The following CAPZA1 variants were observed in gnomAD, a reference collection of about 807,000 sequenced individuals.
CAPZA1 encodes F-actin-capping protein subunit alpha-1.
CAPZA1 carries 10 observed loss-of-function variants against 40.8 expected under a neutral mutation model. The ratio of observed to expected loss-of-function variants is 0.25; its 90% confidence interval spans 0.15 to 0.42. The LOEUF (loss-of-function observed/expected upper bound fraction) is 0.42, where lower values mean the gene tolerates loss of function less well. Among genes scored for constraint, CAPZA1 ranks in the 10% least tolerant of loss-of-function variants. The pLI is 1.00. For missense variants in CAPZA1, 277 were observed against 353.8 expected (o/e 0.78, Z 1.74); for synonymous variants, 98 against 115.0 (o/e 0.85, Z 0.95).
intron 4 of CAPZA1, 107 bp from the exon 5 acceptor site, chr1:112,654,358 C>A: frequency 3.0e-6 from 2 of 664,342 alleles, no homozygotes; most frequent in Non-Finnish European, 5.2e-6. Context: ...AGAAATCTGA[C>A]TAAATGAAAA....
intron 1 of CAPZA1, among the ~76,000 whole-genome samples, chr1:112,645,829 A>G (rs1358548866): frequency 1.3e-5 from 2 of 151,524 alleles, no homozygotes; most frequent in African/African-American, 2.4e-5. Flanking sequence ...GGGCCTGTTG[A>G]TGAGTGCCTG....
intron 1 of CAPZA1, among the ~76,000 whole-genome samples, chr1:112,631,811 G>GT (rs1670922577): frequency 6.6e-6 from 1 of 151,942 alleles, no homozygotes; most frequent in Admixed American, 6.6e-5. Context: ...AACCTTGTGG[G>GT]TATTTTTTTA....
At chr1:112,659,584 C>CTT (rs201026165) in intron 6 of CAPZA1, 117 bp from the exon 7 acceptor site, 226 of 372,404 alleles carry the variant, frequency 6.1e-4, no homozygotes, top group South Asian at 1.6e-3. Context: ...TTCTCTCTCT[C>CTT]TCTTTTTTTT....
intron 7 of CAPZA1, among the ~76,000 whole-genome samples, chr1:112,665,854 A>G (rs1173589782): frequency 6.6e-6 from 1 of 152,236 alleles, no homozygotes; most frequent in African/African-American, 2.4e-5. Flanking sequence ...CATTAAAATC[A>G]TAGCACTAGA....
At position 112,670,032 on chromosome 1, in the gene CAPZA1, C is replaced by T; in HGVS notation, c.761C>T (p.Thr254Ile). 1 of 1,613,910 alleles carries T rather than the reference C, an allele frequency of 6.2e-7. No individual in the cohort carries two copies. The highest frequency in any genetic ancestry group is 8.5e-7 in the Non-Finnish European group (1 of 1,179,792). ...SENYQTMSDT[T>I]FKALRRQLPV... is the part of the protein sequence containing the mutation. ...AACTATCAAACAATGTCAGATACCACATTCAAGGCCTTGCGCCGGCAGCTT... is the reference window on the plus strand; with the variant it reads ...AACTATCAAACAATGTCAGATACCATATTCAAGGCCTTGCGCCGGCAGCTT... Residue 254 changes from threonine to isoleucine, a missense_variant, in exon 10 of 10, where the codon ACA becomes ATA. Physicochemically the swap from Thr to Ile is moderately conservative, Grantham distance 89. Coordinates refer to ENST00000263168, the MANE Select transcript of CAPZA1 (RefSeq NM_006135.3).
At chr1:112,648,153 T>G (rs993081770) in intron 2 of CAPZA1, among the ~76,000 whole-genome samples, 6 of 152,062 alleles carry the variant, frequency 3.9e-5, no homozygotes, top group African/African-American at 1.4e-4. Context: ...AAAAAGTAAC[T>G]AGGAGAAACA....
At chr1:112,654,320 C>T (rs557034520) in intron 4 of CAPZA1, 145 bp from the exon 5 acceptor site, 10 of 584,410 alleles carry the variant, frequency 1.7e-5, no homozygotes, top group East Asian at 5.6e-5. Context: ...CTTAATAATA[C>T]GGGACTTGGT....
intron 1 of CAPZA1, among the ~76,000 whole-genome samples, chr1:112,624,115 T>A (rs895817623): frequency 3.9e-5 from 6 of 152,136 alleles, no homozygotes; most frequent in Admixed American, 2.6e-4. Flanking sequence ...TAGTACTGAT[T>A]TATCATAATT....
chr1:112,637,077 C>T (rs1445914748), intron 1 of CAPZA1, among the ~76,000 whole-genome samples: 1 of 152,178 alleles, frequency 6.6e-6, no homozygotes, highest in African/African-American at 2.4e-5. Context: ...CTTATACTTC[C>T]TTTTAATACT....
chr1:112,631,054 A>T (rs1487665136), intron 1 of CAPZA1, among the ~76,000 whole-genome samples: 1 of 152,214 alleles, frequency 6.6e-6, no homozygotes, highest in Non-Finnish European at 1.5e-5. Context: ...GAATTTCTGC[A>T]GGTGGAACCC....
chr1:112,665,132 T>A (rs1671698403), intron 7 of CAPZA1, among the ~76,000 whole-genome samples: 1 of 151,766 alleles, frequency 6.6e-6, no homozygotes, highest in Non-Finnish European at 1.5e-5. Context: ...TGTTCACATA[T>A]CTCCTGGTAG....
At chr1:112,628,820 C>T (rs1670865233) in intron 1 of CAPZA1, among the ~76,000 whole-genome samples, 1 of 152,220 alleles carries the variant, frequency 6.6e-6, no homozygotes, top group African/African-American at 2.4e-5. Context: ...TCTTTGACTA[C>T]TATTTCTTTC....
chr1:112,671,567 A>G lies in CAPZA1; in HGVS notation c.*1435A>G, dbSNP rs1203677660. On this transcript the variant is annotated 3_prime_UTR_variant, in exon 10 of 10. Transcript: ENST00000263168. ...TCATACTATCCATCCATACCACACT[A>G]TCTTCTGTATCAGGTAGTCTAATAG... 6 of 152,768 alleles carry G rather than the reference A, an allele frequency of 3.9e-5. No individual in the cohort carries two copies. Among genetic ancestry groups the G allele is most frequent in the African/African-American group, 1.4e-4 (6 of 41,578 alleles). The allele number at this position is 152,768 out of a possible 1,614,324, so 9.5% of individuals were successfully genotyped here.
In CAPZA1 at chr1:112,619,891, GT is replaced by G; in HGVS notation, c.39+9del. The G allele has an allele frequency of 1.9e-6, 3 of 1,607,592 alleles. No individual in the cohort carries two copies. The highest frequency in any genetic ancestry group is 2.5e-6 in the Non-Finnish European group (3 of 1,176,754). ...GTGTCGGATGAGGAGAAGGTAAGGG[GT>G]CCGCCTCTCTCTCTTACCTCCTCCC... On this transcript the variant is annotated intron_variant, in intron 1 of 9. Transcript: ENST00000263168.
intron 1 of CAPZA1, among the ~76,000 whole-genome samples, chr1:112,626,839 G>A (rs2101137851): frequency 6.6e-6 from 1 of 152,350 alleles, no homozygotes; most frequent in African/African-American, 2.4e-5. Flanking sequence ...CAGTGTCAGT[G>A]AAATGGAACA....
At chr1:112,639,907 G>C (rs1378232959) in intron 1 of CAPZA1, among the ~76,000 whole-genome samples, 16 of 130,888 alleles carry the variant, frequency 1.2e-4, no homozygotes, top group East Asian at 2.5e-4. Context: ...CCGTCCGGGA[G>C]GGAGGTGGGG....
intron 1 of CAPZA1, among the ~76,000 whole-genome samples, chr1:112,641,810 A>C (rs894833707): frequency 1.3e-5 from 2 of 150,912 alleles, no homozygotes; most frequent in Non-Finnish European, 2.9e-5. Flanking sequence ...AATCACTTGA[A>C]CCTGGGAGGT....
At position 112,659,683 on chromosome 1, in the gene CAPZA1, G is replaced by A. The variant is rs144914890; in HGVS notation, c.507-18G>A. On this transcript the variant is annotated intron_variant, in intron 6 of 9. Transcript: ENST00000263168. ...TGCTTATTGCTAATTCTGCAATGTTGTGTGTGTGTTTTAATAGGAATGGTC... is the reference window on the plus strand; with the variant it reads ...TGCTTATTGCTAATTCTGCAATGTTATGTGTGTGTTTTAATAGGAATGGTC... The A allele has an allele frequency of 3.2e-6, 5 of 1,581,070 alleles. No individual in the cohort carries two copies. The Admixed American group carries it at 5.0e-5, about 16-fold the overall frequency.
At chr1:112,659,595 T>TG (rs1300622844) in intron 6 of CAPZA1, 106 bp from the exon 7 acceptor site, 21 of 758,236 alleles carry the variant, frequency 2.8e-5, no homozygotes, top group Admixed American at 1.7e-4. Context: ...TCTTTTTTTT[T>TG]TTCTTTTTTT....
Sources: gnomAD v4.1 joint callset for allele counts (sites outside exome capture counted in the v4.1 genomes callset) on GRCh38, gnomAD v4.1.1 for gene constraint, MANE v1.5 for transcripts, NCBI Gene and HGNC (gene_info 2026-07-23, HGNC 2026-07-21) for gene names.